The following P2RX7 variants were observed in gnomAD, a reference collection of about 807,000 sequenced individuals.
P2RX7 encodes the protein P2X purinoceptor 7.
Under a neutral mutation model 71.6 loss-of-function variants are expected in P2RX7, and 62 were observed. The ratio of observed to expected loss-of-function variants is 0.87; its 90% confidence interval spans 0.71 to 1.07. The LOEUF is 1.07. P2RX7 is among the 50% of genes least tolerant of loss of function. The pLI, the probability that P2RX7 is intolerant of heterozygous loss-of-function variation, is 0.00. For synonymous variants in P2RX7, 299 were observed against 283.3 expected (o/e 1.06, Z -0.56); for missense variants, 686 against 748.5 (o/e 0.92, Z 0.97).
intron 3 of P2RX7, among the ~76,000 whole-genome samples, chr12:121,160,569 G>C (rs890315504): frequency 2.0e-5 from 3 of 152,056 alleles, no homozygotes; most frequent in Admixed American, 6.6e-5. Context: ...TGCCTATTCT[G>C]GACATTTCCT....
Position 121,154,850 on chromosome 12 carries a change from AG to A in P2RX7, c.193del (p.Val65Ter), listed in dbSNP as rs756627952. On this transcript the variant is annotated frameshift_variant, in exon 2 of 13. Transcript: ENST00000328963. LOFTEE classifies it high-confidence loss of function. The surrounding 1 kb of genome is among the most constrained non-coding windows in gnomAD (Gnocchi z 4.2). ...CCTGTCATCAGTTCTGTGCACACCA[AG>A]GTGAAGGGGATAGCAGAGGTGAAAG... is the stretch of plus-strand genomic sequence containing the variant. ...KEPVISSVHT[K>X]VKGIAEVKEE... 3 of 1,614,218 alleles carry A rather than the reference AG, an allele frequency of 1.9e-6. No homozygotes were observed. The highest frequency in any genetic ancestry group is 3.3e-5 in the Admixed American group (2 of 60,026).
intron 1 of P2RX7, among the ~76,000 whole-genome samples, chr12:121,140,888 C>G (rs890194188): frequency 6.6e-6 from 1 of 152,146 alleles, no homozygotes; most frequent in Admixed American, 6.5e-5. Context: ...AAGTTCAAGA[C>G]CAGCCTGGTC....
Position 121,186,207 on chromosome 12 carries a change from G to A in P2RX7, c.*1405G>A, listed in dbSNP as rs1207833578. The A allele has an allele frequency of 6.6e-6, 1 of 152,396 alleles. No homozygotes were observed. The highest frequency in any genetic ancestry group is 1.5e-5 in the Non-Finnish European group (1 of 68,236). The allele number at this position is 152,396 out of a possible 1,614,324, so 9.4% of individuals were successfully genotyped here. A position where few individuals can be genotyped will look rare whatever the true frequency, so the allele number is the denominator to read the frequency against. On this transcript the variant is annotated 3_prime_UTR_variant, in exon 13 of 13. Coordinates refer to ENST00000328963, the MANE Select transcript of P2RX7 (RefSeq NM_002562.6). ...AACATGAGAGAGAAGAAGCCTTCAG[G>A]TGATTCTGGACTCCACTAACATATG...
rs1327830974 is a variant in P2RX7 at position 121,170,168 on chromosome 12, T to C, written c.881+2544T>C. On this transcript the variant is annotated intron_variant, in intron 8 of 12. Coordinates refer to ENST00000328963, the MANE Select transcript of P2RX7 (RefSeq NM_002562.6). ...ACCAGCTCCTAATTGTGATAACTTTTTGATCATCCCCTGCCGCTGTGCTGA... is the reference window on the plus strand; with the variant it reads ...ACCAGCTCCTAATTGTGATAACTTTCTGATCATCCCCTGCCGCTGTGCTGA... 5.3e-5 allele frequency among the ~76,000 whole-genome samples: 8 copies of C among 152,208 alleles called. No homozygotes were observed. The East Asian group carries it at 1.5e-3, about 29-fold the overall frequency.
chr12:121,177,475 A>AGTGT, intron 11 of P2RX7, 29 bp downstream of exon 11: 1 of 1,604,684 alleles, frequency 6.2e-7, no homozygotes, highest in Non-Finnish European at 8.5e-7. Context: ...CAGGACACCA[A>AGTGT]GACATGGAGA....
intron 5 of P2RX7, among the ~76,000 whole-genome samples, chr12:121,163,587 AGATAGACAGGTAGATAGATAG>A (rs1880310989): frequency 6.9e-6 from 1 of 144,322 alleles, no homozygotes; most frequent in Non-Finnish European, 1.5e-5. Context: ...GATAATAGAT[AGATAGACAGGTAGATAGATAG>A]ATAGATAGAT....
intron 9 of P2RX7, 39 bp from the exon 10 acceptor site, chr12:121,177,108 T>G: frequency 6.3e-7 from 1 of 1,585,526 alleles, no homozygotes; most frequent in Non-Finnish European, 8.7e-7. Context: ...AGCGTTGCTC[T>G]GAATTTCACC....
At chr12:121,169,232 G>A (rs910614639) in intron 8 of P2RX7, among the ~76,000 whole-genome samples, 5 of 152,144 alleles carry the variant, frequency 3.3e-5, no homozygotes, top group Admixed American at 1.3e-4. Flanking sequence ...CTCCTAAAGC[G>A]TTGGGATTGC....
intron 1 of P2RX7, among the ~76,000 whole-genome samples, chr12:121,146,369 T>C (rs1876213918): frequency 7.3e-6 from 1 of 136,098 alleles, no homozygotes; most frequent in African/African-American, 2.7e-5. Flanking sequence ...CTCAGCTCAC[T>C]GCAACCTCTG....
chr12:121,163,352 A>ACG (rs1555226368), intron 5 of P2RX7, among the ~76,000 whole-genome samples: 2 of 127,502 alleles, frequency 1.6e-5, no homozygotes, highest in Non-Finnish European at 1.7e-5. Flanking sequence ...ACACACACAC[A>ACG]CACACGCACA....
At chr12:121,146,284 T>C (rs1191385884) in intron 1 of P2RX7, among the ~76,000 whole-genome samples, 2 of 126,900 alleles carry the variant, frequency 1.6e-5, no homozygotes, top group Admixed American at 8.0e-5. Context: ...TTGTCAAGCC[T>C]CTCTTTTTTT....
At position 121,165,444 on chromosome 12, in the gene P2RX7, G is replaced by A. The variant is rs148900004; in HGVS notation, c.614+7G>A. The A allele has an allele frequency of 2.0e-4, 317 of 1,610,422 alleles. No homozygotes were observed. The African/African-American group carries it at 3.5e-3, about 18-fold the overall frequency. On this transcript the variant is annotated splice_region_variant and intron_variant, in intron 6 of 12. Transcript: ENST00000328963. The stretch of plus-strand genomic sequence containing the variant: ...CCGGCCACAACTACACCACGTAAGT[G>A]CCCAGGCTGCCTGGCTGTCTTAGTT...
At chr12:121,148,570 G>A (rs1207575004) in intron 1 of P2RX7, among the ~76,000 whole-genome samples, 1 of 151,992 alleles carries the variant, frequency 6.6e-6, no homozygotes, top group Non-Finnish European at 1.5e-5. Flanking sequence ...CTGTTTGACT[G>A]ACTTTAGGAG....
chr12:121,139,519 C>G (rs1055077940), intron 1 of P2RX7, among the ~76,000 whole-genome samples: 2 of 152,180 alleles, frequency 1.3e-5, no homozygotes, highest in African/African-American at 4.8e-5. Context: ...GGCTGGCTGT[C>G]GCTGTGGAGA....
At chr12:121,151,380 G>T (rs1203413185) in intron 1 of P2RX7, among the ~76,000 whole-genome samples, 2 of 151,910 alleles carry the variant, frequency 1.3e-5, no homozygotes, top group African/African-American at 2.4e-5. Flanking sequence ...GGGACTACAG[G>T]CACATGCCAC....
intron 5 of P2RX7, among the ~76,000 whole-genome samples, chr12:121,163,075 T>A (rs1203436860): frequency 6.6e-6 from 1 of 152,084 alleles, no homozygotes; most frequent in African/African-American, 2.4e-5. Flanking sequence ...AAAGTCACAA[T>A]GTTAAATCTC....
intron 1 of P2RX7, among the ~76,000 whole-genome samples, chr12:121,151,456 G>A (rs1877387393): frequency 6.6e-6 from 1 of 151,924 alleles, no homozygotes; most frequent in South Asian, 2.1e-4. Context: ...TCGAACCCAG[G>A]ACCTCAGATG....
At chr12:121,163,390 G>C (rs1593083901) in intron 5 of P2RX7, among the ~76,000 whole-genome samples, 2 of 149,106 alleles carry the variant, frequency 1.3e-5, no homozygotes, top group East Asian at 1.9e-4. Context: ...TCTACCCCTA[G>C]AAGTGTGGTG....
chr12:121,138,286 T>G (rs1854592334), intron 1 of P2RX7, among the ~76,000 whole-genome samples: 1 of 152,260 alleles, frequency 6.6e-6, no homozygotes, highest in South Asian at 2.1e-4. Context: ...TTTGGCTTCC[T>G]TCTTGAACAA....
Sources: allele counts gnomAD v4.1 joint callset (sites outside exome capture counted in the v4.1 genomes callset), GRCh38; gene constraint gnomAD v4.1.1; non-coding constraint Gnocchi (gnomAD v3.1); transcripts MANE v1.5; gene names NCBI Gene and HGNC (gene_info 2026-07-23, HGNC 2026-07-21).